Variants in CHM observed in about 807,000 individuals in gnomAD.
The protein encoded by CHM is CHM Rab escort protein.
In CHM, 10 loss-of-function variants were observed where a neutral mutation model predicts 49.0. The ratio of observed to expected loss-of-function variants is 0.20; its 90% confidence interval spans 0.13 to 0.35. The LOEUF is 0.35. CHM is among the 10% of genes least tolerant of loss of function. The pLI, the probability that CHM is intolerant of heterozygous loss-of-function variation, is 1.00. For missense variants in CHM, 455 were observed against 478.4 expected (o/e 0.95, Z 0.46); for synonymous variants, 184 against 167.5 (o/e 1.10, Z -0.76).
At chrX:85,977,551 C>T (rs1931343257) in intron 4 of CHM, among the ~76,000 whole-genome samples, 1 of 112,349 alleles carries the variant, frequency 8.9e-6, no homozygotes, top group South Asian at 3.7e-4. Context: ...TAATACCTCT[C>T]AGAAGGCCAG....
chrX:85,891,918 T>A (rs920497103), intron 12 of CHM, among the ~76,000 whole-genome samples: 1 of 111,939 alleles, frequency 8.9e-6, no homozygotes, highest in Non-Finnish European at 1.9e-5. Context: ...CCCAAGACCA[T>A]GGGAACCCAC....
chrX:86,027,329 T>A (rs1933867660), intron 2 of CHM, 162 bp downstream of exon 2: 2 of 472,284 alleles, frequency 4.2e-6, no homozygotes, highest in Non-Finnish European at 7.6e-6. Context: ...ATTTCACATA[T>A]TAGTGGTTAA....
At chrX:86,047,393 G>C in intron 1 of CHM, 91 bp downstream of exon 1, 1 of 837,537 alleles carries the variant, frequency 1.2e-6, no homozygotes, top group Non-Finnish European at 1.8e-6. Context: ...CTCGACCCAC[G>C]ATGTTTGTCC....
chrX:85,943,394 A>C (rs1461465289), intron 8 of CHM, among the ~76,000 whole-genome samples: 1 of 112,338 alleles, frequency 8.9e-6, no homozygotes, highest in Non-Finnish European at 1.9e-5. Flanking sequence ...TATCGAATGC[A>C]CAAATTCAAG....
intron 8 of CHM, among the ~76,000 whole-genome samples, chrX:85,940,882 G>A (rs1929064193): frequency 9.0e-6 from 1 of 110,881 alleles, no homozygotes; most frequent in African/African-American, 3.3e-5. Context: ...TGTCATAACT[G>A]TTTAGGCCCC....
At chrX:85,990,258 T>C (rs763032748) in intron 2 of CHM, among the ~76,000 whole-genome samples, 1 of 112,130 alleles carries the variant, frequency 8.9e-6, no homozygotes, top group East Asian at 2.8e-4. Flanking sequence ...AAATACCAAG[T>C]GTTTTCACTT....
intron 2 of CHM, among the ~76,000 whole-genome samples, chrX:85,996,233 G>A (rs942881976): frequency 1.8e-5 from 2 of 111,996 alleles, no homozygotes; most frequent in African/African-American, 6.5e-5. Context: ...GTTTTCTTAA[G>A]AGCAAATAAT....
intron 8 of CHM, among the ~76,000 whole-genome samples, chrX:85,936,332 T>C (rs920359986): frequency 8.9e-6 from 1 of 112,334 alleles, no homozygotes; most frequent in African/African-American, 3.2e-5. Flanking sequence ...AACTTTTATG[T>C]AATAATACTC....
chrX:85,942,537 C>T (rs1300997379), intron 8 of CHM, among the ~76,000 whole-genome samples: 1 of 111,230 alleles, frequency 9.0e-6, no homozygotes, highest in Non-Finnish European at 1.9e-5. Flanking sequence ...AAGAACATTT[C>T]GCATATCTCA....
chrX:85,889,610 T>C (rs1360575091), intron 12 of CHM, among the ~76,000 whole-genome samples: 3 of 112,299 alleles, frequency 2.7e-5, no homozygotes, highest in Admixed American at 9.4e-5. Flanking sequence ...GGCAGGAATG[T>C]GAATTAGTTC....
intron 2 of CHM, among the ~76,000 whole-genome samples, chrX:85,995,623 A>G (rs1421832033): frequency 1.8e-5 from 2 of 112,374 alleles, no homozygotes; most frequent in Non-Finnish European, 3.8e-5. Flanking sequence ...AGTTATTTCA[A>G]TTCTCTGAGT....
chrX:85,871,320 A>AAAAAAAAG (rs1487188345), intron 14 of CHM, among the ~76,000 whole-genome samples: 29 of 102,993 alleles, frequency 2.8e-4, no homozygotes, highest in African/African-American at 9.5e-4. Context: ...AAAAAAAAAA[A>AAAAAAAAG]AAGAAGAAAT....
chrX:85,936,226 C>G (rs1928771569), intron 8 of CHM, among the ~76,000 whole-genome samples: 1 of 112,050 alleles, frequency 8.9e-6, no homozygotes, highest in African/African-American at 3.2e-5. Flanking sequence ...AATACCAAAT[C>G]TAGTTTGTAT....
At chrX:86,046,753 C>T (rs1222665822) in intron 1 of CHM, among the ~76,000 whole-genome samples, 1 of 111,570 alleles carries the variant, frequency 9.0e-6, no homozygotes, top group African/African-American at 3.3e-5. Context: ...CTGGTTCCAC[C>T]CAAAACATGA....
intron 4 of CHM, chrX:85,969,254 T>G (rs1169132787): frequency 1.4e-6 from 1 of 724,107 alleles, no homozygotes; most frequent in Admixed American, 8.8e-5. Flanking sequence ...TATAAAGCTA[T>G]TGTTAATATT....
intron 2 of CHM, among the ~76,000 whole-genome samples, chrX:86,002,126 T>C (rs1395207172): frequency 8.9e-6 from 1 of 111,938 alleles, no homozygotes; most frequent in Non-Finnish European, 1.9e-5. Flanking sequence ...AAAGATGATA[T>C]ATGCCACTCC....
rs376659547 is a variant in CHM at position 85,899,052 on chromosome X, C to T, written c.1413+1594G>A. On this transcript the variant is annotated intron_variant, in intron 11 of 14. Coordinates refer to ENST00000357749, the MANE Select transcript of CHM (RefSeq NM_000390.4). ...TTTATCCACTCACATATTTCTTTTA[C>T]ATAAGAAGCAGCTTTCAACTTAAAG... 8.9e-5 allele frequency among the ~76,000 whole-genome samples: 10 copies of T among 112,448 alleles called. No homozygotes were observed. The East Asian group carries it at 2.8e-3, about 32-fold the overall frequency.
At chrX:85,867,481 T>C (rs1403319718) in intron 14 of CHM, among the ~76,000 whole-genome samples, 1 of 112,412 alleles carries the variant, frequency 8.9e-6, no homozygotes, top group Non-Finnish European at 1.9e-5. Context: ...GATACTGGTA[T>C]AGTCTAATTT....
rs1443045089 is a variant in CHM, at chrX:85,970,961, C to CA, written c.315-6910dup. On this transcript the variant is annotated intron_variant, in intron 4 of 14. Transcript: ENST00000357749. ...AGTCTTTAGCCTGTTTTGCAATACC[C>CA]AACGTATTAAATTTAATGTTGAAAT... 5.7e-6 allele frequency: 4 copies of CA among 703,715 alleles called. No homozygotes were observed. The African/African-American group carries it at 9.5e-5, about 17-fold the overall frequency. 58.0% of individuals were successfully genotyped at this position (703,715 alleles called of 1,213,427 possible).
Sources: allele counts gnomAD v4.1 joint callset (sites outside exome capture counted in the v4.1 genomes callset), GRCh38; gene constraint gnomAD v4.1.1; transcripts MANE v1.5; gene names NCBI Gene and HGNC (gene_info 2026-07-23, HGNC 2026-07-21).